PLXNA2: variants seen among roughly 807,000 people sequenced by gnomAD.
The protein encoded by PLXNA2 is plexin A2, also known as plexin-A2.
Under a neutral mutation model 193.5 loss-of-function variants are expected in PLXNA2, and 91 were observed. That is an observed-to-expected ratio of 0.47 (90% CI 0.40 to 0.56). PLXNA2 has a LOEUF of 0.56. Ranked by LOEUF, PLXNA2 falls within the 20% of genes least tolerant of loss-of-function variation. The pLI, the probability that PLXNA2 is intolerant of heterozygous loss-of-function variation, is 0.00. For synonymous variants in PLXNA2, 997 were observed against 1,027.3 expected (o/e 0.97, Z 0.56); for missense variants, 1,995 against 2,503.2 (o/e 0.80, Z 4.33).
intron 3 of PLXNA2, among the ~76,000 whole-genome samples, chr1:208,144,666 G>A (rs1668554518): frequency 6.6e-6 from 1 of 152,102 alleles, no homozygotes; most frequent in Non-Finnish European, 1.5e-5. Context: ...TAACCTCAAT[G>A]GAACCAAATA....
rs1014598236 is a variant in PLXNA2 at position 208,044,375 on chromosome 1, CAG to C, written c.3874+131_3874+132del. 1.5e-6 allele frequency: 1 copy of C among 674,976 alleles called. No individual in the cohort carries two copies. Among genetic ancestry groups the C allele is most frequent in the Non-Finnish European group, 2.6e-6 (1 of 387,736 alleles). 41.8% of individuals were successfully genotyped at this position (674,976 alleles called of 1,614,324 possible). ...ATAAGCAAAAGAAGTTCTGGGAAAA[CAG>C]GGGTGAAAGTGGAATGCAGAGGCAT... On this transcript the variant is annotated intron_variant, in intron 20 of 31. Transcript: ENST00000367033. The surrounding 1 kb of genome is among the most constrained non-coding windows in gnomAD (Gnocchi z 4.9).
At chr1:208,057,792 G>A (rs953680146) in intron 13 of PLXNA2, among the ~76,000 whole-genome samples, 1 of 152,188 alleles carries the variant, frequency 6.6e-6, no homozygotes, top group Non-Finnish European at 1.5e-5. Context: ...TCCTCCTGGT[G>A]GCAGGGGGCT....
At chr1:208,243,165 C>T (rs1298228880) in intron 1 of PLXNA2, among the ~76,000 whole-genome samples, 1 of 152,180 alleles carries the variant, frequency 6.6e-6, no homozygotes, top group Non-Finnish European at 1.5e-5. Context: ...GGAGAGCCGG[C>T]GGCCACCAGG....
intron 12 of PLXNA2, among the ~76,000 whole-genome samples, chr1:208,076,269 G>A (rs1463685047): frequency 6.6e-6 from 1 of 151,952 alleles, no homozygotes; most frequent in African/African-American, 2.4e-5. Flanking sequence ...TTAGAGATCA[G>A]GATTCTGCTA....
chr1:208,188,640 C>CGG (rs1405523085), intron 3 of PLXNA2, among the ~76,000 whole-genome samples: 1 of 148,332 alleles, frequency 6.7e-6, no homozygotes, highest in Non-Finnish European at 1.5e-5. Flanking sequence ...ACCTGGGAGG[C>CGG]GGAGGTTGCA....
At chr1:208,155,085 C>T (rs953060680) in intron 3 of PLXNA2, among the ~76,000 whole-genome samples, 3 of 152,048 alleles carry the variant, frequency 2.0e-5, no homozygotes, top group Admixed American at 6.5e-5. Context: ...AGCAGGACTG[C>T]GGGGAGGAGG....
At position 208,236,675 on chromosome 1, in the gene PLXNA2, A is replaced by T. The variant is rs1671867231; in HGVS notation, c.-81+6968T>A. 1.3e-5 allele frequency among the ~76,000 whole-genome samples: 2 copies of T among 152,210 alleles called. No individual in the cohort carries two copies. The highest frequency in any genetic ancestry group is 4.8e-5 in the African/African-American group (2 of 41,454). On this transcript the variant is annotated intron_variant, in intron 1 of 31. Coordinates refer to ENST00000367033, the MANE Select transcript of PLXNA2 (RefSeq NM_025179.4). The surrounding 1 kb of genome is among the most constrained non-coding windows in gnomAD (Gnocchi z 4.4). ...TCAGTGAGTTGTCTACCACTCTCAG[A>T]AGCACTGGGGTTACAGCTCCTCATC...
intron 3 of PLXNA2, among the ~76,000 whole-genome samples, chr1:208,175,860 A>C (rs1008230265): frequency 1.3e-5 from 2 of 152,202 alleles, no homozygotes; most frequent in Non-Finnish European, 2.9e-5. Flanking sequence ...TTCAAACCAT[A>C]GTTAAAAGAT....
chr1:208,188,236 A>G (rs947110715), intron 3 of PLXNA2, among the ~76,000 whole-genome samples: 2 of 152,156 alleles, frequency 1.3e-5, no homozygotes, highest in African/African-American at 2.4e-5. Flanking sequence ...CAGAGATTAC[A>G]TGTCACGAGG....
chr1:208,065,787 C>G (rs768817601), intron 12 of PLXNA2, among the ~76,000 whole-genome samples: 13 of 152,150 alleles, frequency 8.5e-5, no homozygotes, highest in Non-Finnish European at 1.5e-4. Context: ...GTTCTGGGCC[C>G]TGCACAGAAG....
chr1:208,043,965 G>C (rs1664966215), intron 20 of PLXNA2, among the ~76,000 whole-genome samples: 1 of 152,242 alleles, frequency 6.6e-6, no homozygotes, highest in South Asian at 2.1e-4. Context: ...CGTGGGACAT[G>C]GGAGAAAACA....
Position 208,026,114 on chromosome 1 carries a change from G to A in PLXNA2, c.*1129C>T, listed in dbSNP as rs1461464148. ...TTTTGTTTTCTTTTTAATTGCCAGGGACCACTGGATGATTGGAGTGAACTC... is the reference window on the plus strand; with the variant it reads ...TTTTGTTTTCTTTTTAATTGCCAGGAACCACTGGATGATTGGAGTGAACTC... On this transcript the variant is annotated 3_prime_UTR_variant, in exon 32 of 32. Coordinates refer to ENST00000367033, the MANE Select transcript of PLXNA2 (RefSeq NM_025179.4). The A allele has an allele frequency of 6.6e-6, 1 of 152,616 alleles. No individual in the cohort carries two copies. Among genetic ancestry groups the A allele is most frequent in the African/African-American group, 2.4e-5 (1 of 41,456 alleles). The allele number at this position is 152,616 out of a possible 1,614,324, so 9.5% of individuals were successfully genotyped here.
chr1:208,126,865 C>G (rs1667988370), intron 4 of PLXNA2, among the ~76,000 whole-genome samples: 1 of 152,192 alleles, frequency 6.6e-6, no homozygotes, highest in Non-Finnish European at 1.5e-5. Flanking sequence ...AGAAGCACTC[C>G]TGAAAGGAAG....
chr1:208,154,654 C>T (rs1032936194), intron 3 of PLXNA2, among the ~76,000 whole-genome samples: 4 of 152,252 alleles, frequency 2.6e-5, no homozygotes, highest in South Asian at 2.1e-4. Flanking sequence ...GTACAAGTCT[C>T]GCCTTGGGCA....
At chr1:208,108,054 G>A (rs868816867) in intron 4 of PLXNA2, among the ~76,000 whole-genome samples, 1 of 152,098 alleles carries the variant, frequency 6.6e-6, no homozygotes, top group African/African-American at 2.4e-5. Context: ...CCGGGGCCCC[G>A]CGTCTCTGGT....
At chr1:208,216,486 A>T (rs55951726) in intron 2 of PLXNA2, among the ~76,000 whole-genome samples, 4,950 of 152,326 alleles carry the variant, frequency 0.032, 268 homozygotes, top group African/African-American at 0.11. Flanking sequence ...CAGCATTTAC[A>T]ATAGCACCTG....
At chr1:208,119,470 A>T (rs1667739996) in intron 4 of PLXNA2, among the ~76,000 whole-genome samples, 1 of 152,186 alleles carries the variant, frequency 6.6e-6, no homozygotes, top group Admixed American at 6.5e-5. Context: ...AAATCAAATC[A>T]ATCCTTCACT....
chr1:208,142,306 C>A, intron 4 of PLXNA2, 23 bp downstream of exon 4: 1 of 1,563,688 alleles, frequency 6.4e-7, no homozygotes, highest in South Asian at 1.2e-5. Context: ...GTTTGGAAAG[C>A]AGAGATGGAT....
chr1:208,220,314 T>C (rs1406785795), intron 1 of PLXNA2, among the ~76,000 whole-genome samples: 1 of 151,430 alleles, frequency 6.6e-6, no homozygotes, highest in Non-Finnish European at 1.5e-5. Flanking sequence ...TCTGGTAGAA[T>C]GGGAATAACT....
Sources: allele counts gnomAD v4.1 joint callset (sites outside exome capture counted in the v4.1 genomes callset), GRCh38; gene constraint gnomAD v4.1.1; non-coding constraint Gnocchi (gnomAD v3.1); transcripts MANE v1.5; gene names NCBI Gene and HGNC (gene_info 2026-07-23, HGNC 2026-07-21).